Variants in PPP3CC observed in about 807,000 individuals in gnomAD.
The protein encoded by PPP3CC is protein phosphatase 3 catalytic subunit gamma, also known as serine/threonine-protein phosphatase 2B catalytic subunit gamma isoform.
A neutral mutation model predicts 60.3 loss-of-function variants in PPP3CC; 35 were observed. The observed-to-expected ratio is 0.58, with a 90% CI of 0.44 to 0.77. The LOEUF (loss-of-function observed/expected upper bound fraction) is 0.77, where lower values mean the gene tolerates loss of function less well. Among genes scored for constraint, PPP3CC ranks in the 30% least tolerant of loss-of-function variants. The probability of loss-of-function intolerance (pLI) is 0.00; values close to 1 mark genes in which losing one functional copy is unlikely to be tolerated. For missense variants in PPP3CC, 570 were observed against 628.9 expected, an observed-to-expected ratio of 0.91 and a Z score of 1.00; for synonymous variants, 206 against 224.3, an observed-to-expected ratio of 0.92 and a Z score of 0.73.
intron 4 of PPP3CC, among the ~76,000 whole-genome samples, chr8:22,510,522 T>C (rs951171308): frequency 6.6e-6 from 1 of 152,208 alleles, no homozygotes; most frequent in Non-Finnish European, 1.5e-5. Flanking sequence ...GTCATCCATA[T>C]ACTTAAAAGG....
intron 10 of PPP3CC, among the ~76,000 whole-genome samples, chr8:22,531,053 CATAGATGTGA>C (rs1382351785): frequency 6.6e-6 from 1 of 151,916 alleles, no homozygotes; most frequent in Non-Finnish European, 1.5e-5. Flanking sequence ...ATTGGATGCT[CATAGATGTGA>C]ATTAATGTAA....
intron 6 of PPP3CC, among the ~76,000 whole-genome samples, chr8:22,516,188 A>G (rs545316513): frequency 5.3e-5 from 8 of 152,144 alleles, no homozygotes; most frequent in Admixed American, 4.6e-4. Flanking sequence ...GACCCTCCCT[A>G]CTTGGCCTCC....
At chr8:22,539,403 G>A in intron 12 of PPP3CC, 66 bp from the exon 13 acceptor site, 1 of 1,570,576 alleles carries the variant, frequency 6.4e-7, no homozygotes, top group Non-Finnish European at 8.7e-7. Context: ...TGCCATCAGT[G>A]CTGTTGGTTT....
chr8:22,478,044 G>A (rs547006695), intron 3 of PPP3CC, among the ~76,000 whole-genome samples: 2 of 152,156 alleles, frequency 1.3e-5, no homozygotes, highest in Non-Finnish European at 2.9e-5. Context: ...TAGAGACGGG[G>A]TTTCACCATC....
At chr8:22,446,884 G>A (rs1013718039) in intron 1 of PPP3CC, among the ~76,000 whole-genome samples, 1 of 150,710 alleles carries the variant, frequency 6.6e-6, no homozygotes, top group African/African-American at 2.4e-5. Context: ...ATTTAATTCC[G>A]GGATTTGTAG....
chr8:22,457,011 C>T (rs1418757826), intron 1 of PPP3CC, among the ~76,000 whole-genome samples: 1 of 60,326 alleles, frequency 1.7e-5, no homozygotes, highest in African/African-American at 9.6e-5. Flanking sequence ...CTCCCTCCCT[C>T]CCTCCCTTCC....
At position 22,528,574 on chromosome 8, in the gene PPP3CC, G is replaced by GA. The variant is rs752970641; in HGVS notation, c.1140dup (p.Gly381ArgfsTer7). On this transcript the variant is annotated frameshift_variant, in exon 10 of 14. Transcript: ENST00000240139. LOFTEE classifies it high-confidence loss of function. ...CGAACTGATTTCTGATGATGAAGCA[G>GA]AAGGTAAACTTTTCCTCCTTTGAAC... The GA allele has an allele frequency of 6.5e-7, 1 of 1,540,090 alleles. No individual in the cohort carries two copies.
chr8:22,535,554 G>A (rs1042157870), intron 12 of PPP3CC, among the ~76,000 whole-genome samples: 1 of 151,642 alleles, frequency 6.6e-6, no homozygotes, highest in Non-Finnish European at 1.5e-5. Flanking sequence ...GTAATGGCTA[G>A]GTACTGTCAT....
chr8:22,462,845 G>C (rs967674291), intron 1 of PPP3CC, among the ~76,000 whole-genome samples: 3 of 152,272 alleles, frequency 2.0e-5, no homozygotes, highest in Non-Finnish European at 4.4e-5. Context: ...GACAGTGGCT[G>C]CACAGCAGCA....
chr8:22,532,207 T>C lies in PPP3CC; in HGVS notation c.1142-18T>C. On this transcript the variant is annotated intron_variant, in intron 10 of 13. Coordinates refer to ENST00000240139, the MANE Select transcript of PPP3CC (RefSeq NM_005605.5). ...TTAACACATCCCTTTAACTTACTTA[T>C]TCTTTGTATTCTCTAAGGAAGCACT... 6.3e-7 allele frequency: 1 copy of C among 1,583,364 alleles called. No homozygotes were observed. Among genetic ancestry groups the C allele is most frequent in the South Asian group, 1.1e-5 (1 of 89,312 alleles).
At chr8:22,489,907 T>A (rs1325458491) in intron 3 of PPP3CC, among the ~76,000 whole-genome samples, 1 of 150,912 alleles carries the variant, frequency 6.6e-6, no homozygotes, top group African/African-American at 2.4e-5. Flanking sequence ...CTGCAACCTC[T>A]GCCTCCCAGG....
Position 22,481,351 on chromosome 8 carries a change from T to A in PPP3CC, c.372+5727T>A, listed in dbSNP as rs140599948. Among the ~76,000 whole-genome samples, 212 of 54,292 alleles carry A rather than the reference T, an allele frequency of 3.9e-3. 3 individuals carry two copies. The highest frequency in any genetic ancestry group is 9.3e-3 in the African/African-American group (201 of 21,570). 35.6% of individuals were successfully genotyped at this position (54,292 alleles called of 152,430 possible). On this transcript the variant is annotated intron_variant, in intron 3 of 13. Coordinates refer to ENST00000240139, the MANE Select transcript of PPP3CC (RefSeq NM_005605.5). The stretch of plus-strand genomic sequence containing the variant: ...ACTCTGTCTCAAGAAAAATAAATAA[T>A]AATAATAATAATAATAATAATAATA...
At chr8:22,532,794 G>A (rs1202158629) in intron 11 of PPP3CC, 127 bp from the exon 12 acceptor site, 3 of 551,712 alleles carry the variant, frequency 5.4e-6, no homozygotes. Flanking sequence ...TTTGAGTCAG[G>A]GAAGGCGTAG....
chr8:22,499,417 G>T (rs1009126224), intron 4 of PPP3CC, among the ~76,000 whole-genome samples: 3 of 150,182 alleles, frequency 2.0e-5, no homozygotes. Context: ...CCGCAGTCCG[G>T]CCTGGGCAAC....
chr8:22,481,869 CT>C (rs1019458079), intron 3 of PPP3CC, among the ~76,000 whole-genome samples: 1 of 151,676 alleles, frequency 6.6e-6, no homozygotes, highest in Non-Finnish European at 1.5e-5. Flanking sequence ...TGAACTCATC[CT>C]TTTTTTTGGC....
chr8:22,494,042 T>C (rs1048061567), intron 3 of PPP3CC, among the ~76,000 whole-genome samples: 3 of 152,102 alleles, frequency 2.0e-5, no homozygotes, highest in Non-Finnish European at 4.4e-5. Flanking sequence ...TTTAATTTTA[T>C]GGGACCATTG....
rs146930170 is a variant in PPP3CC at position 22,496,467 on chromosome 8, A to C, written c.373-1534A>C. On this transcript the variant is annotated intron_variant, in intron 3 of 13. Coordinates refer to ENST00000240139, the MANE Select transcript of PPP3CC (RefSeq NM_005605.5). ...TGGAATTTCATGACTTATAAGTTAA[A>C]TTAGGGAGAACTGTAATCTTTTTTT... is the stretch of plus-strand genomic sequence containing the variant. Among the ~76,000 whole-genome samples, 445 of 132,212 alleles carry C rather than the reference A, an allele frequency of 3.4e-3. 3 individuals carry two copies. The highest frequency in any genetic ancestry group is 0.011 in the African/African-American group (423 of 37,208). 86.7% of individuals were successfully genotyped at this position (132,212 alleles called of 152,430 possible).
chr8:22,446,832 A>T (rs931988477), intron 1 of PPP3CC, among the ~76,000 whole-genome samples: 5 of 147,344 alleles, frequency 3.4e-5, no homozygotes. Context: ...AAAAAAAAAA[A>T]GCTGATTTTT....
intron 13 of PPP3CC, 105 bp from the exon 14 acceptor site, chr8:22,540,509 TC>T: frequency 8.9e-7 from 1 of 1,129,414 alleles, no homozygotes; most frequent in Non-Finnish European, 1.3e-6. Flanking sequence ...TAGCCACCTT[TC>T]TGTGTGTTTC....
Sources: allele counts gnomAD v4.1 joint callset (sites outside exome capture counted in the v4.1 genomes callset), GRCh38; gene constraint gnomAD v4.1.1; transcripts MANE v1.5; gene names NCBI Gene and HGNC (gene_info 2026-07-23, HGNC 2026-07-21).